PTPN1: variants seen among roughly 807,000 people sequenced by gnomAD.
PTPN1 encodes protein tyrosine phosphatase non-receptor type 1, also known as tyrosine-protein phosphatase non-receptor type 1.
Under a neutral mutation model 59.9 loss-of-function variants are expected in PTPN1, and 12 were observed. The ratio of observed to expected loss-of-function variants is 0.20; its 90% CI spans 0.13 to 0.32. The LOEUF (loss-of-function observed/expected upper bound fraction) is 0.32. Among genes scored for constraint, PTPN1 ranks in the 10% least tolerant of loss-of-function variants. The pLI is 1.00. For synonymous variants in PTPN1, 178 were observed against 203.6 expected, an observed-to-expected ratio of 0.87 and a Z score of 1.07; for missense variants, 356 against 549.2, an observed-to-expected ratio of 0.65 and a Z score of 3.52.
intron 1 of PTPN1, among the ~76,000 whole-genome samples, chr20:50,544,738 G>A (rs1265784448): frequency 6.6e-6 from 1 of 152,116 alleles, no homozygotes. Context: ...GCAAGGAGCT[G>A]GGGTATTTAT....
rs1187781765 is a variant in PTPN1 at position 50,568,212 on chromosome 20, TACTG to T, written c.256-165_256-162del. 6.6e-6 allele frequency among the ~76,000 whole-genome samples: 1 copy of T among 152,236 alleles called. No homozygotes were observed. Among genetic ancestry groups the T allele is most frequent in the Non-Finnish European group, 1.5e-5 (1 of 68,042 alleles). On this transcript the variant is annotated intron_variant, in intron 3 of 9. Transcript: ENST00000371621. The surrounding 1 kb of genome is among the most constrained non-coding windows in gnomAD (Gnocchi z 5.6). ...GCCTGGTAGAAAATGGAGCTGCAGT[TACTG>T]ACCACCAGGCAGAGAGAGGTGGGTC...
At chr20:50,512,680 A>C (rs998550601) in intron 1 of PTPN1, among the ~76,000 whole-genome samples, 30 of 152,248 alleles carry the variant, frequency 2.0e-4, no homozygotes, top group African/African-American at 7.0e-4. Context: ...CTTTTCTAAG[A>C]TCTTGAAATC....
At chr20:50,518,532 G>T (rs2082538469) in intron 1 of PTPN1, among the ~76,000 whole-genome samples, 1 of 152,182 alleles carries the variant, frequency 6.6e-6, no homozygotes, top group Admixed American at 6.5e-5. Context: ...AAATATTTTT[G>T]TGGCTAACTT....
chr20:50,549,675 A>G (rs1240620698), intron 1 of PTPN1, among the ~76,000 whole-genome samples: 1 of 152,286 alleles, frequency 6.6e-6, no homozygotes, highest in African/African-American at 2.4e-5. Context: ...CTTATTCAGT[A>G]CATAGTCATT....
rs1435209963 is a variant in PTPN1, at chr20:50,584,427, T to TGAG, written c.*1712_*1713insGAG. ...CTCCTATCCTTGGAGAGCAGCTGGC[T>TGAG]CTCCACCTTGTTACACATTATGTTA... On this transcript the variant is annotated 3_prime_UTR_variant, in exon 10 of 10. Coordinates refer to ENST00000371621, the MANE Select transcript of PTPN1 (RefSeq NM_002827.4). 1 of 152,624 alleles carries TGAG rather than the reference T, an allele frequency of 6.6e-6. No individual in the cohort carries two copies. Among genetic ancestry groups the TGAG allele is most frequent in the Non-Finnish European group, 1.5e-5 (1 of 68,040 alleles). The allele number at this position is 152,624 out of a possible 1,614,324, so 9.5% of individuals were successfully genotyped here.
Position 50,568,624 on chromosome 20 carries a change from A to T in PTPN1, c.354+146A>T. 1.5e-6 allele frequency: 1 copy of T among 659,076 alleles called. No individual in the cohort carries two copies. 40.8% of individuals were successfully genotyped at this position (659,076 alleles called of 1,614,324 possible). On this transcript the variant is annotated intron_variant, in intron 4 of 9. Transcript: ENST00000371621. This position sits in a 1 kb window ranked among gnomAD's most constrained non-coding sequence, Gnocchi z 5.6. ...TATTTAAAAAAATTAAAACAGCAGC[A>T]TATAAATGCATGTTGGTTGTCAACC...
chr20:50,549,043 C>T (rs191505228), intron 1 of PTPN1, among the ~76,000 whole-genome samples: 23 of 152,272 alleles, frequency 1.5e-4, no homozygotes, highest in Admixed American at 8.5e-4. Flanking sequence ...TTAAAGTCCC[C>T]AACAAGCTAT....
Position 50,582,627 on chromosome 20 carries a change from T to G in PTPN1, c.1285-65T>G. Reference sequence around the variant, plus strand: ...TTGCCGGGGGGTGTGGCCGGGGTCATGCATGAGGCGACAGCTCTGCAGGTG... The same window carrying G: ...TTGCCGGGGGGTGTGGCCGGGGTCAGGCATGAGGCGACAGCTCTGCAGGTG... On this transcript the variant is annotated intron_variant, in intron 9 of 9. Coordinates refer to ENST00000371621, the MANE Select transcript of PTPN1 (RefSeq NM_002827.4). The surrounding 1 kb of genome is among the most constrained non-coding windows in gnomAD (Gnocchi z 4.2). 1 of 1,582,276 alleles carries G rather than the reference T, an allele frequency of 6.3e-7. No individual in the cohort carries two copies. Among genetic ancestry groups the G allele is most frequent in the African/African-American group, 1.3e-5 (1 of 74,520 alleles).
intron 1 of PTPN1, among the ~76,000 whole-genome samples, chr20:50,555,948 A>G (rs1254782997): frequency 2.0e-5 from 3 of 152,160 alleles, no homozygotes; most frequent in Non-Finnish European, 4.4e-5. Flanking sequence ...TTTCACTTCA[A>G]GGGCAGAATT....
chr20:50,554,535 A>G (rs1171417028), intron 1 of PTPN1, among the ~76,000 whole-genome samples: 2 of 152,214 alleles, frequency 1.3e-5, no homozygotes, highest in Non-Finnish European at 2.9e-5. Flanking sequence ...GGAAATTTGG[A>G]TATATACTAA....
intron 1 of PTPN1, among the ~76,000 whole-genome samples, chr20:50,554,405 T>TCTCTCTCTCTCTCA (rs2082717128): frequency 6.6e-6 from 1 of 151,608 alleles, no homozygotes; most frequent in Non-Finnish European, 1.5e-5. Flanking sequence ...TCTCTCTCTC[T>TCTCTCTCTCTCTCA]CTCAAAAGGC....
intron 1 of PTPN1, among the ~76,000 whole-genome samples, chr20:50,525,281 G>A (rs551803265): frequency 1.3e-5 from 2 of 151,912 alleles, no homozygotes; most frequent in East Asian, 3.9e-4. Context: ...GGGTGGTCTC[G>A]CACTTCTGAC....
At chr20:50,511,691 G>A (rs1179743003) in intron 1 of PTPN1, among the ~76,000 whole-genome samples, 1 of 152,216 alleles carries the variant, frequency 6.6e-6, no homozygotes, top group Non-Finnish European at 1.5e-5. Flanking sequence ...CCTTTCACAA[G>A]CAGCTGAATA....
At chr20:50,559,030 A>T (rs947405279) in intron 1 of PTPN1, among the ~76,000 whole-genome samples, 9 of 119,442 alleles carry the variant, frequency 7.5e-5, no homozygotes, top group African/African-American at 3.0e-4. Context: ...ACGTCAGGGA[A>T]TTTTTTTTTT....
intron 1 of PTPN1, among the ~76,000 whole-genome samples, chr20:50,540,233 T>A (rs1248622738): frequency 6.6e-6 from 1 of 152,116 alleles, no homozygotes; most frequent in Non-Finnish European, 1.5e-5. Flanking sequence ...TTTTTTGTAT[T>A]TTTAGTAGAG....
At position 50,582,897 on chromosome 20, in the gene PTPN1, CT is replaced by C; in HGVS notation, c.*186del. On this transcript the variant is annotated 3_prime_UTR_variant, in exon 10 of 10. Transcript: ENST00000371621. The surrounding 1 kb of genome is among the most constrained non-coding windows in gnomAD (Gnocchi z 4.2). The stretch of plus-strand genomic sequence containing the variant: ...CCGGATGTGTGTCTCACCCCTCATC[CT>C]TTTACTTTTTGCCCCTTCCACTTTG... 1 of 679,172 alleles carries C rather than the reference CT, an allele frequency of 1.5e-6. No individual in the cohort carries two copies. Among genetic ancestry groups the C allele is most frequent in the Non-Finnish European group, 2.5e-6 (1 of 399,766 alleles). The allele number at this position is 679,172 out of a possible 1,614,324, so 42.1% of individuals were successfully genotyped here. A position where few individuals can be genotyped will look rare whatever the true frequency, so the allele number is the denominator to read the frequency against.
chr20:50,547,760 C>G (rs2082682338), intron 1 of PTPN1, among the ~76,000 whole-genome samples: 1 of 152,174 alleles, frequency 6.6e-6, no homozygotes, highest in African/African-American at 2.4e-5. Flanking sequence ...CTAGATGAAT[C>G]TCATTCTAGC....
At chr20:50,540,323 G>A (rs1389975879) in intron 1 of PTPN1, among the ~76,000 whole-genome samples, 1 of 152,202 alleles carries the variant, frequency 6.6e-6, no homozygotes, top group Non-Finnish European at 1.5e-5. Context: ...CCAAAGTGCT[G>A]GGATTACAGG....
intron 8 of PTPN1, among the ~76,000 whole-genome samples, chr20:50,580,393 A>G (rs718050): frequency 0.57 from 86,440 of 151,992 alleles, 25,045 homozygotes; most frequent in Middle Eastern, 0.76. Context: ...TTGAGTACCT[A>G]TTGATATGTG....
Sources: allele counts gnomAD v4.1 joint callset (sites outside exome capture counted in the v4.1 genomes callset), GRCh38; gene constraint gnomAD v4.1.1; non-coding constraint Gnocchi (gnomAD v3.1); transcripts MANE v1.5; gene names NCBI Gene and HGNC (gene_info 2026-07-23, HGNC 2026-07-21).